DRC8: variants seen among roughly 807,000 people sequenced by gnomAD.
DRC8 encodes the protein dynein regulatory complex protein 8.
At chr1:245,094,992 T>G in the DRC8 span, among the ~76,000 whole-genome samples, 1 of 152,200 alleles carries the variant, frequency 6.6e-6, no homozygotes, top group Admixed American at 6.5e-5. Flanking sequence ...CAGGACTCAC[T>G]GGAAGGCACC....
the DRC8 span, among the ~76,000 whole-genome samples, chr1:245,036,501 C>T: frequency 5.3e-5 from 8 of 151,866 alleles, no homozygotes; most frequent in Admixed American, 1.3e-4. Flanking sequence ...CGTATACTGA[C>T]GAGAAATGAA....
chr1:245,037,452 G>A, the DRC8 span, among the ~76,000 whole-genome samples: 2 of 152,172 alleles, frequency 1.3e-5, no homozygotes, highest in Non-Finnish European at 2.9e-5. Flanking sequence ...ACTCGATAAA[G>A]TAGAAATTAA....
At chr1:245,021,735 C>T in the DRC8 span, among the ~76,000 whole-genome samples, 1 of 152,072 alleles carries the variant, frequency 6.6e-6, no homozygotes, top group Non-Finnish European at 1.5e-5. Context: ...TGTGCCTGGC[C>T]CCATTTTATG....
the DRC8 span, among the ~76,000 whole-genome samples, chr1:245,050,382 G>A: frequency 3.9e-5 from 6 of 152,074 alleles, no homozygotes; most frequent in Admixed American, 1.3e-4. Flanking sequence ...TAACAGGCGT[G>A]ACCCACCGCG....
At chr1:245,109,210 G>T in the DRC8 span, among the ~76,000 whole-genome samples, 1 of 152,204 alleles carries the variant, frequency 6.6e-6, no homozygotes, top group Admixed American at 6.5e-5. Flanking sequence ...GCAATGAGAG[G>T]TGTCAATTCT....
At chr1:244,975,324 C>T in the DRC8 span, among the ~76,000 whole-genome samples, 2 of 152,012 alleles carry the variant, frequency 1.3e-5, no homozygotes, top group Non-Finnish European at 2.9e-5. Context: ...TAGTAACTGT[C>T]GATAGTATAG....
the DRC8 span, among the ~76,000 whole-genome samples, chr1:245,031,886 G>A: frequency 3.9e-5 from 6 of 152,232 alleles, no homozygotes; most frequent in Middle Eastern, 3.4e-3. Context: ...CTTCCTCCCC[G>A]AATCCCAAGC....
At chr1:245,068,427 A>AT in the DRC8 span, among the ~76,000 whole-genome samples, 7 of 151,600 alleles carry the variant, frequency 4.6e-5, no homozygotes, top group Admixed American at 4.6e-4. Flanking sequence ...CTGGACTGTA[A>AT]TTTTTTTTGT....
the DRC8 span, among the ~76,000 whole-genome samples, chr1:245,002,530 CT>C: frequency 6.6e-6 from 1 of 152,002 alleles, no homozygotes; most frequent in African/African-American, 2.4e-5. Flanking sequence ...TCTTTAGTTT[CT>C]TTTCTTTCTT....
the DRC8 span, chr1:245,002,286 C>A: frequency 6.9e-7 from 1 of 1,440,988 alleles, no homozygotes. Context: ...TTAACCATCT[C>A]TCTGCCTCCA....
At chr1:244,982,106 A>G in the DRC8 span, among the ~76,000 whole-genome samples, 1 of 152,302 alleles carries the variant, frequency 6.6e-6, no homozygotes. Flanking sequence ...TTTAAGGACA[A>G]GTTCTTAGGG....
At chr1:245,102,330 CTTTATTTATTTA>C in the DRC8 span, among the ~76,000 whole-genome samples, 15 of 147,394 alleles carry the variant, frequency 1.0e-4, no homozygotes, top group Admixed American at 2.7e-4. Context: ...TCATTAGGAA[CTTTATTTATTTA>C]TTTATTTATT....
the DRC8 span, among the ~76,000 whole-genome samples, chr1:245,080,906 C>A: frequency 6.6e-6 from 1 of 152,258 alleles, no homozygotes; most frequent in South Asian, 2.1e-4. Context: ...TTGAAGCCTT[C>A]TCCCTGCTCC....
At chr1:245,017,279 G>A in the DRC8 span, 1 of 1,609,584 alleles carries the variant, frequency 6.2e-7, no homozygotes. Context: ...AAATCAAAGA[G>A]GCATTTGAAG....
At chr1:245,070,532 T>A in the DRC8 span, among the ~76,000 whole-genome samples, 2 of 152,202 alleles carry the variant, frequency 1.3e-5, no homozygotes, top group Non-Finnish European at 2.9e-5. Context: ...TTATTTTATT[T>A]TAATTCGTAT....
the DRC8 span, among the ~76,000 whole-genome samples, chr1:245,041,247 TAG>T: frequency 6.6e-6 from 1 of 151,826 alleles, no homozygotes; most frequent in Non-Finnish European, 1.5e-5. Context: ...GTGAGGTCGC[TAG>T]AGAGTGGTGT....
At chr1:245,078,713 T>C in the DRC8 span, among the ~76,000 whole-genome samples, 2 of 152,158 alleles carry the variant, frequency 1.3e-5, no homozygotes, top group Non-Finnish European at 2.9e-5. Flanking sequence ...GTACAAACTT[T>C]TAGTGATAAG....
chr1:245,046,788 T>G, the DRC8 span, among the ~76,000 whole-genome samples: 1 of 152,200 alleles, frequency 6.6e-6, no homozygotes, highest in Non-Finnish European at 1.5e-5. Flanking sequence ...GCGATTAATA[T>G]TTAAACACCA....
chr1:245,114,250 T>C, the DRC8 span, among the ~76,000 whole-genome samples: 1 of 151,786 alleles, frequency 6.6e-6, no homozygotes, highest in Non-Finnish European at 1.5e-5. Context: ...GGGTCACAAG[T>C]TCAGGAGTTC....
Sources: gnomAD v4.1 joint callset for allele counts (sites outside exome capture counted in the v4.1 genomes callset) on GRCh38, gnomAD v4.1.1 for gene constraint, MANE v1.5 for transcripts, NCBI Gene and HGNC (gene_info 2026-07-23, HGNC 2026-07-21) for gene names.